Variants in TTC17 observed in about 807,000 individuals in gnomAD.
The protein encoded by TTC17 is tetratricopeptide repeat domain 17, also known as tetratricopeptide repeat protein 17.
TTC17 carries 58 observed loss-of-function variants against 143.8 expected under a neutral mutation model. The observed-to-expected ratio is 0.40, with a 90% CI of 0.33 to 0.50. The LOEUF is 0.50. Among genes scored for constraint, TTC17 ranks in the 20% least tolerant of loss-of-function variants. The pLI, the probability that TTC17 is intolerant of heterozygous loss-of-function variation, is 0.49. For missense variants in TTC17, 1,273 were observed against 1,392.5 expected (o/e 0.91, Z 1.37); for synonymous variants, 501 against 497.8 (o/e 1.01, Z -0.09).
intron 21 of TTC17, among the ~76,000 whole-genome samples, chr11:43,468,945 C>T (rs548790210): frequency 3.3e-5 from 5 of 152,092 alleles, no homozygotes; most frequent in Middle Eastern, 3.4e-3. Flanking sequence ...AGAAAATAGA[C>T]ACAGACTTAA....
chr11:43,479,192 A>C (rs545865493), intron 21 of TTC17, among the ~76,000 whole-genome samples: 83 of 152,102 alleles, frequency 5.5e-4, no homozygotes, highest in African/African-American at 1.9e-3. Context: ...GTGAGCCAAG[A>C]TCACGCCACT....
chr11:43,359,973 G>C (rs1219919092), intron 1 of TTC17, among the ~76,000 whole-genome samples: 1 of 152,136 alleles, frequency 6.6e-6, no homozygotes, highest in Non-Finnish European at 1.5e-5. Flanking sequence ...ACAGAATATT[G>C]GTAAACTTAC....
rs372300496 is a variant in TTC17, at chr11:43,420,675, C to G, written c.2251+5899C>G. 2.0e-5 allele frequency among the ~76,000 whole-genome samples: 3 copies of G among 152,140 alleles called. No homozygotes were observed. The East Asian group carries it at 5.8e-4, about 29-fold the overall frequency. On this transcript the variant is annotated intron_variant, in intron 16 of 23. Coordinates refer to ENST00000039989, the MANE Select transcript of TTC17 (RefSeq NM_018259.6). ...TTTGGTTTTTATAAGAACTTAGAGA[C>G]AGTATTATCAGATTCTGATGACCAA...
Position 43,407,417 on chromosome 11 carries a change from G to A in TTC17, c.1904G>A (p.Ser635Asn), listed in dbSNP as rs1200696974. Residue 635 changes from serine to asparagine, a missense_variant, in exon 15 of 24, where the codon AGC (serine) becomes AAC (asparagine). Physicochemically the swap from Ser to Asn is conservative, Grantham distance 46. Around this residue, in one of 3 missense-constraint regions of TTC17, gnomAD observed 878 missense variants for 899.8 expected, o/e 0.98. Coordinates refer to ENST00000039989, the MANE Select transcript of TTC17 (RefSeq NM_018259.6). ...AGLYWRAVGNSTFAIACLQRA... is the reference protein window; with the variant it reads ...AGLYWRAVGNNTFAIACLQRA... ...CTATACTGGAGAGCAGTAGGAAATA[G>A]CACTTTTGCTATTGCCTGTCTTCAG... 14 of 1,613,886 alleles carry A rather than the reference G, an allele frequency of 8.7e-6. No homozygotes were observed. The highest frequency in any genetic ancestry group is 1.1e-5 in the Non-Finnish European group (13 of 1,179,984).
chr11:43,389,848 A>T (rs372779083), intron 3 of TTC17, 27 bp downstream of exon 3: 11 of 1,554,354 alleles, frequency 7.1e-6, no homozygotes, highest in Non-Finnish European at 8.7e-6. Context: ...TCCAAAAATA[A>T]AATTGCTGTT....
chr11:43,474,761 GC>G (rs1374330727), intron 21 of TTC17, among the ~76,000 whole-genome samples: 1 of 152,122 alleles, frequency 6.6e-6, no homozygotes, highest in African/African-American at 2.4e-5. Context: ...TTGACTGGCA[GC>G]CTTATGATAA....
chr11:43,479,825 C>T (rs1450493110), intron 21 of TTC17, among the ~76,000 whole-genome samples: 1 of 152,086 alleles, frequency 6.6e-6, no homozygotes. Flanking sequence ...TTAGGGTTTT[C>T]AGAATTTAGA....
rs561896482 is a variant in TTC17 at position 43,378,575 on chromosome 11, T to C, written c.160-658T>C. Among the ~76,000 whole-genome samples, 5 of 152,362 alleles carry C rather than the reference T, an allele frequency of 3.3e-5. No individual in the cohort carries two copies. The East Asian group carries it at 7.7e-4, about 24-fold the overall frequency. ...ATTGAACAATGTCTGTAGGATAGTT[T>C]CCTAGACTTTCTTTTGCTCAAAGGT... is the stretch of plus-strand genomic sequence containing the variant. On this transcript the variant is annotated intron_variant, in intron 1 of 23. Transcript: ENST00000039989.
chr11:43,371,780 A>G (rs1165451641), intron 1 of TTC17, among the ~76,000 whole-genome samples: 1 of 152,204 alleles, frequency 6.6e-6, no homozygotes, highest in African/African-American at 2.4e-5. Context: ...CTACTGTACA[A>G]AAAGACAGCA....
intron 16 of TTC17, among the ~76,000 whole-genome samples, chr11:43,423,706 TA>T (rs1946960118): frequency 6.6e-6 from 1 of 152,238 alleles, no homozygotes; most frequent in Non-Finnish European, 1.5e-5. Context: ...CCTTTTAACC[TA>T]AATTAGTGTA....
At chr11:43,398,520 CCT>C (rs1857712351) in intron 8 of TTC17, among the ~76,000 whole-genome samples, 1 of 152,070 alleles carries the variant, frequency 6.6e-6, no homozygotes, top group African/African-American at 2.4e-5. Context: ...TGATATTTCT[CCT>C]CTTGGAGAGA....
Position 43,407,346 on chromosome 11 carries a change from T to A in TTC17, c.1840-7T>A, listed in dbSNP as rs1443852176. 6.2e-7 allele frequency: 1 copy of A among 1,611,786 alleles called. No individual in the cohort carries two copies. The highest frequency in any genetic ancestry group is 1.7e-5 in the Admixed American group (1 of 59,838). On this transcript the variant is annotated splice_region_variant and splice_polypyrimidine_tract_variant and intron_variant, in intron 14 of 23. Transcript: ENST00000039989. ...TGTACTAACTGAAGTATTTTTGGAT[T>A]TTTCAGCCAAATGCTCCTATCTGGC...
chr11:43,431,090 A>C (rs1243787055), intron 16 of TTC17, among the ~76,000 whole-genome samples: 1 of 152,178 alleles, frequency 6.6e-6, no homozygotes, highest in East Asian at 1.9e-4. Flanking sequence ...TGTCCCTGCA[A>C]AGGTTATGAA....
chr11:43,455,610 T>G (rs1346621253), intron 21 of TTC17, among the ~76,000 whole-genome samples: 1 of 152,112 alleles, frequency 6.6e-6, no homozygotes, highest in Non-Finnish European at 1.5e-5. Flanking sequence ...GGTGAAATAA[T>G]ATTTTTTAGA....
At chr11:43,455,547 T>TCAGACTA in intron 21 of TTC17, among the ~76,000 whole-genome samples, 1 of 152,130 alleles carries the variant, frequency 6.6e-6, no homozygotes, top group East Asian at 1.9e-4. Flanking sequence ...GCTTAGAGAA[T>TCAGACTA]CAGACTACTT....
At position 43,443,511 on chromosome 11, in the gene TTC17, G is replaced by T. The variant is rs58244825; in HGVS notation, c.2438G>T (p.Gly813Val). Residue 813 changes from glycine to valine, a missense_variant, in exon 17 of 24, where the codon GGT (glycine) becomes GTT (valine). This residue lies in a region of TTC17 where 878 missense variants were observed against 899.8 expected (regional missense o/e 0.98). Coordinates refer to ENST00000039989, the MANE Select transcript of TTC17 (RefSeq NM_018259.6). ...CAAGGAATACGGGTGCTGAAGAAAG[G>T]TCCCCAGGATGGAGTGGCCAGAAGC... Reference protein sequence around the residue: ...DLQGIRVLKKGPQDGVARSSC... With the variant: ...DLQGIRVLKKVPQDGVARSSC... 2,510 of 1,614,152 alleles carry T rather than the reference G, an allele frequency of 1.6e-3. 34 individuals carry two copies. In the African/African-American group the frequency reaches 0.029, roughly 19 times the overall value.
chr11:43,386,231 TA>T (rs955167289), intron 2 of TTC17, among the ~76,000 whole-genome samples: 13 of 151,200 alleles, frequency 8.6e-5, no homozygotes, highest in Admixed American at 4.6e-4. Flanking sequence ...AACTTTTTAC[TA>T]AAAAAAAATA....
chr11:43,459,473 A>G (rs1300539779), intron 21 of TTC17, among the ~76,000 whole-genome samples: 2 of 152,194 alleles, frequency 1.3e-5, no homozygotes, highest in Non-Finnish European at 2.9e-5. Context: ...CCACACTGGC[A>G]CAACTTCTTT....
At chr11:43,461,340 C>G (rs1000937295) in intron 21 of TTC17, among the ~76,000 whole-genome samples, 102 of 147,038 alleles carry the variant, frequency 6.9e-4, no homozygotes, top group African/African-American at 2.5e-3. Flanking sequence ...GCCGAGATTG[C>G]GCCACTGCAG....
Sources: gnomAD v4.1 joint callset for allele counts (sites outside exome capture counted in the v4.1 genomes callset) on GRCh38, gnomAD v4.1.1 for gene constraint, gnomAD v4.1.1 regional missense constraint, MANE v1.5 for transcripts, NCBI Gene and HGNC (gene_info 2026-07-23, HGNC 2026-07-21) for gene names.